The following TNR variants were observed in gnomAD, a reference collection of about 807,000 sequenced individuals.
The protein encoded by TNR is tenascin R.
Under a neutral mutation model 150.4 loss-of-function variants are expected in TNR, and 45 were observed. The observed-to-expected ratio is 0.30, with a 90% CI of 0.24 to 0.38. The LOEUF (loss-of-function observed/expected upper bound fraction) is 0.38, where lower values mean the gene tolerates loss of function less well. TNR is among the 10% of genes least tolerant of loss of function. TNR has a pLI of 1.00. For synonymous variants in TNR, 687 were observed against 678.4 expected, an observed-to-expected ratio of 1.01 and a Z score of -0.20; for missense variants, 1,544 against 1,759.1, an observed-to-expected ratio of 0.88 and a Z score of 2.19.
At chr1:175,741,889 C>A (rs1015982279) in intron 1 of TNR, among the ~76,000 whole-genome samples, 11 of 152,150 alleles carry the variant, frequency 7.2e-5, no homozygotes, top group African/African-American at 2.7e-4. Context: ...GCCTATGTAT[C>A]TCCCCTGTCT....
At chr1:175,366,642 G>T (rs2102014816) in intron 10 of TNR, among the ~76,000 whole-genome samples, 1 of 152,354 alleles carries the variant, frequency 6.6e-6, no homozygotes, top group East Asian at 1.9e-4. Flanking sequence ...TTGGGACAAG[G>T]ACTGGTCTAA....
At chr1:175,434,489 C>T (rs964473146) in intron 2 of TNR, among the ~76,000 whole-genome samples, 5 of 152,130 alleles carry the variant, frequency 3.3e-5, no homozygotes, top group Non-Finnish European at 7.4e-5. Flanking sequence ...GTGACCTTCC[C>T]GCCATTTGCC....
intron 2 of TNR, among the ~76,000 whole-genome samples, chr1:175,525,178 C>G (rs1323973849): frequency 6.6e-6 from 1 of 152,174 alleles, no homozygotes; most frequent in African/African-American, 2.4e-5. Flanking sequence ...GGCACTTCTC[C>G]TTCCTGCCAT....
At chr1:175,417,317 A>G (rs553277987) in intron 2 of TNR, among the ~76,000 whole-genome samples, 19 of 151,980 alleles carry the variant, frequency 1.3e-4, no homozygotes, top group African/African-American at 4.3e-4. Flanking sequence ...GAGGGTGGAG[A>G]GGAGTTGTGG....
intron 13 of TNR, 111 bp from the exon 14 acceptor site, chr1:175,362,920 T>A: frequency 7.7e-7 from 1 of 1,300,100 alleles, no homozygotes; most frequent in Non-Finnish European, 1.1e-6. Flanking sequence ...CCGCACTCAG[T>A]GGGGAGGGAT....
intron 4 of TNR, among the ~76,000 whole-genome samples, chr1:175,402,239 G>A (rs886085761): frequency 6.1e-5 from 9 of 146,642 alleles, no homozygotes; most frequent in South Asian, 2.2e-4. Flanking sequence ...CCCGGGAAGC[G>A]GAGCTTGCAG....
intron 1 of TNR, among the ~76,000 whole-genome samples, chr1:175,625,810 C>T (rs1664134211): frequency 1.3e-5 from 2 of 152,156 alleles, no homozygotes; most frequent in African/African-American, 4.8e-5. Flanking sequence ...TAGCCCATCC[C>T]CTCCTACCCC....
intron 1 of TNR, among the ~76,000 whole-genome samples, chr1:175,687,903 T>C (rs6661744): frequency 0.65 from 98,343 of 151,542 alleles, 32,798 homozygotes; most frequent in East Asian, 0.96. Flanking sequence ...TCCAGCAAGC[T>C]GGGCGTGAAT....
At chr1:175,640,569 A>G (rs1383323014) in intron 1 of TNR, among the ~76,000 whole-genome samples, 2 of 152,140 alleles carry the variant, frequency 1.3e-5, no homozygotes, top group Non-Finnish European at 2.9e-5. Context: ...GCCCATATTT[A>G]GTGGTTCTTT....
chr1:175,363,904 T>G (rs1279623902), intron 12 of TNR, 77 bp from the exon 13 acceptor site: 13 of 1,527,206 alleles, frequency 8.5e-6, no homozygotes, highest in Non-Finnish European at 1.1e-5. Context: ...TGGTTTTATG[T>G]TGACCAAAAG....
chr1:175,369,409 C>G (rs1651989495), intron 9 of TNR, among the ~76,000 whole-genome samples: 1 of 152,146 alleles, frequency 6.6e-6, no homozygotes, highest in African/African-American at 2.4e-5. Context: ...GTTGCGTCAC[C>G]CCAGTCTCTG....
chr1:175,390,976 G>T (rs1190164733), intron 7 of TNR, among the ~76,000 whole-genome samples: 1 of 152,228 alleles, frequency 6.6e-6, no homozygotes, highest in East Asian at 1.9e-4. Context: ...TGCTTCCAAA[G>T]ATCATTGACA....
chr1:175,738,309 A>T (rs1333828773), intron 1 of TNR, among the ~76,000 whole-genome samples: 1 of 152,242 alleles, frequency 6.6e-6, no homozygotes, highest in African/African-American at 2.4e-5. Context: ...AAAATGTGGT[A>T]CATACATACA....
intron 1 of TNR, among the ~76,000 whole-genome samples, chr1:175,585,671 A>G (rs1558022010): frequency 6.6e-6 from 1 of 152,204 alleles, no homozygotes. Context: ...CCAGATAGGA[A>G]CTGCTTGAAG....
At chr1:175,418,687 G>A (rs1005670853) in intron 2 of TNR, among the ~76,000 whole-genome samples, 3 of 151,732 alleles carry the variant, frequency 2.0e-5, no homozygotes, top group Non-Finnish European at 4.4e-5. Flanking sequence ...TTGTGCCGCT[G>A]CACTCCAGCC....
intron 2 of TNR, among the ~76,000 whole-genome samples, chr1:175,450,594 C>G (rs1011001018): frequency 1.3e-5 from 2 of 152,222 alleles, no homozygotes; most frequent in African/African-American, 4.8e-5. Flanking sequence ...GTCTTCTGGA[C>G]AGTGAGCTCC....
chr1:175,522,912 C>T (rs1659697856), intron 2 of TNR, among the ~76,000 whole-genome samples: 1 of 152,174 alleles, frequency 6.6e-6, no homozygotes, highest in Admixed American at 6.5e-5. Flanking sequence ...AAAGCTTTTT[C>T]ACCAGAAATA....
intron 1 of TNR, among the ~76,000 whole-genome samples, chr1:175,727,085 C>T (rs1181772196): frequency 5.3e-5 from 8 of 152,224 alleles, no homozygotes; most frequent in Non-Finnish European, 1.2e-4. Context: ...CACAAGGGGG[C>T]TGCCTAAGCA....
intron 1 of TNR, among the ~76,000 whole-genome samples, chr1:175,612,577 T>C (rs1002728658): frequency 6.6e-6 from 1 of 152,202 alleles, no homozygotes; most frequent in Non-Finnish European, 1.5e-5. Flanking sequence ...GAGAACTTGA[T>C]AGATTTTTAT....
Sources: gnomAD v4.1 joint callset for allele counts (sites outside exome capture counted in the v4.1 genomes callset) on GRCh38, gnomAD v4.1.1 for gene constraint, MANE v1.5 for transcripts, NCBI Gene and HGNC (gene_info 2026-07-23, HGNC 2026-07-21) for gene names.